Variants in KIAA1217 observed in about 807,000 individuals in gnomAD.
KIAA1217 encodes the protein KIAA1217, also known as sickle tail protein homolog.
Under a neutral mutation model 163.9 loss-of-function variants are expected in KIAA1217, and 88 were observed. That is an observed-to-expected ratio of 0.54 (90% CI 0.45 to 0.64). KIAA1217 has a LOEUF of 0.64. Ranked by LOEUF, KIAA1217 falls within the 30% of genes least tolerant of loss-of-function variation. The pLI is 0.00. For missense variants in KIAA1217, 2,372 were observed against 2,475.0 expected (o/e 0.96, Z 0.88); for synonymous variants, 903 against 923.1 (o/e 0.98, Z 0.39).
chr10:24,509,746 A>G (rs2068843838), intron 9 of KIAA1217, among the ~76,000 whole-genome samples: 1 of 152,238 alleles, frequency 6.6e-6, no homozygotes, highest in South Asian at 2.1e-4. Flanking sequence ...TGTTGTACAT[A>G]TTATATACTA....
chr10:24,239,855 T>C (rs1449972388), intron 2 of KIAA1217, among the ~76,000 whole-genome samples: 1 of 152,146 alleles, frequency 6.6e-6, no homozygotes, highest in African/African-American at 2.4e-5. Flanking sequence ...ATTGCACTTT[T>C]TTAAAAGTAT....
intron 3 of KIAA1217, among the ~76,000 whole-genome samples, chr10:24,420,457 T>A (rs2131531507): frequency 6.6e-6 from 1 of 152,344 alleles, no homozygotes; most frequent in South Asian, 2.1e-4. Context: ...CTTCTCTCTG[T>A]GGTTTGTCTT....
At chr10:24,438,181 A>G (rs1006392662) in intron 4 of KIAA1217, among the ~76,000 whole-genome samples, 1 of 152,174 alleles carries the variant, frequency 6.6e-6, no homozygotes, top group Non-Finnish European at 1.5e-5. Context: ...CAAGAAAAGG[A>G]GAGAAAAGCT....
In KIAA1217 at chr10:23,884,515, C is replaced by T. The variant is rs1186723357; in HGVS notation, c.-320-122710C>T. ...ACATGTCCCTTCTTAGAGCAGCAAT[C>T]GGGCAAGCCACAGCCTTATTTCATG... On this transcript the variant is annotated intron_variant, in intron 1 of 18. Coordinates refer to the KIAA1217 transcript ENST00000376462. Among the ~76,000 whole-genome samples, 7 of 152,042 alleles carry T rather than the reference C, an allele frequency of 4.6e-5. No homozygotes were observed. The East Asian group carries it at 7.8e-4, about 17-fold the overall frequency.
At position 24,533,096 on chromosome 10, in the gene KIAA1217, C is replaced by T. The variant is rs528524930; in HGVS notation, c.3273C>T (p.Ser1091=). 34 of 1,612,582 alleles carry T rather than the reference C, an allele frequency of 2.1e-5. No homozygotes were observed. In the East Asian group the frequency reaches 6.9e-4, roughly 33 times the overall value. Reference sequence around the variant, plus strand: ...CAAGCAGTGAAGATGCTGGACCAAGCCCACAGACCAGAGCTACAAAATATC... The same window carrying T: ...CAAGCAGTGAAGATGCTGGACCAAGTCCACAGACCAGAGCTACAAAATATC... The part of the protein sequence containing the change: ...AKASSEDAGP[S]PQTRATKYPA... The change falls in exon 16 of 21, where the codon AGC becomes AGT. Residue 1091 remains serine, a synonymous_variant. Coordinates refer to ENST00000376454, the MANE Select transcript of KIAA1217 (RefSeq NM_019590.5).
intron 2 of KIAA1217, among the ~76,000 whole-genome samples, chr10:24,058,806 G>A (rs891817647): frequency 6.6e-6 from 1 of 151,888 alleles, no homozygotes; most frequent in African/African-American, 2.4e-5. Context: ...ATTTTCTAAG[G>A]GTGTGTTAGG....
At chr10:23,810,249 C>T (rs1313159835) in intron 1 of KIAA1217, among the ~76,000 whole-genome samples, 1 of 150,456 alleles carries the variant, frequency 6.6e-6, no homozygotes, top group Non-Finnish European at 1.5e-5. Context: ...TACCTACCCT[C>T]TTTCTGACTA....
intron 2 of KIAA1217, among the ~76,000 whole-genome samples, chr10:24,359,644 T>A (rs1386217756): frequency 6.6e-6 from 1 of 152,214 alleles, no homozygotes; most frequent in East Asian, 1.9e-4. Context: ...TTCCAGAAAT[T>A]ATACTTTCAA....
chr10:24,489,592 A>G lies in KIAA1217; in HGVS notation c.1680-4908A>G, dbSNP rs184514211. Among the ~76,000 whole-genome samples the G allele has an allele frequency of 7.0e-4, 107 of 152,094 alleles. 1 individual carries two copies. Among genetic ancestry groups the G allele is most frequent in the African/African-American group, 2.5e-3 (102 of 41,516 alleles). ...AATCAAAAAGTTATATAAGTGGGCC[A>G]GGCATGGTGGCTTATGCCTGTAATT... On this transcript the variant is annotated intron_variant, in intron 6 of 20. Coordinates refer to ENST00000376454, the MANE Select transcript of KIAA1217 (RefSeq NM_019590.5).
intron 2 of KIAA1217, among the ~76,000 whole-genome samples, chr10:24,041,375 C>T (rs947365387): frequency 1.3e-5 from 2 of 152,072 alleles, no homozygotes; most frequent in African/African-American, 4.8e-5. Flanking sequence ...AAAATGTGAC[C>T]CCTTGAACAC....
chr10:23,839,872 T>A (rs1051492663), intron 1 of KIAA1217, among the ~76,000 whole-genome samples: 5 of 152,148 alleles, frequency 3.3e-5, no homozygotes, highest in Admixed American at 1.3e-4. Flanking sequence ...ATCAGATAGT[T>A]TTTATTGAAA....
intron 1 of KIAA1217, among the ~76,000 whole-genome samples, chr10:23,748,538 G>T (rs1193171983): frequency 1.0e-4 from 14 of 133,770 alleles, no homozygotes. Flanking sequence ...AGAGGGGAGG[G>T]GAGGAGAGGA....
chr10:24,328,386 T>C (rs1368255609), intron 2 of KIAA1217, among the ~76,000 whole-genome samples: 1 of 152,076 alleles, frequency 6.6e-6, no homozygotes. Context: ...AGTGATCTGG[T>C]GAGTGTCAGC....
intron 1 of KIAA1217, among the ~76,000 whole-genome samples, chr10:23,853,196 C>A (rs1174193183): frequency 6.6e-6 from 1 of 152,112 alleles, no homozygotes; most frequent in Non-Finnish European, 1.5e-5. Flanking sequence ...CCATCAATAC[C>A]TAATTTTTTG....
intron 1 of KIAA1217, among the ~76,000 whole-genome samples, chr10:23,739,121 C>A (rs1420459527): frequency 6.6e-6 from 1 of 152,150 alleles, no homozygotes; most frequent in Non-Finnish European, 1.5e-5. Context: ...AACTGGAGGT[C>A]ACCATTTTAA....
chr10:24,123,267 GT>G (rs2063351344), intron 2 of KIAA1217, among the ~76,000 whole-genome samples: 2 of 151,650 alleles, frequency 1.3e-5, no homozygotes, highest in African/African-American at 4.8e-5. Flanking sequence ...ATATTCTTTT[GT>G]AACTTTGTTT....
At chr10:24,248,714 A>G (rs2074137719) in intron 2 of KIAA1217, among the ~76,000 whole-genome samples, 1 of 150,854 alleles carries the variant, frequency 6.6e-6, no homozygotes, top group African/African-American at 2.4e-5. Flanking sequence ...TCATACCTAA[A>G]CCTTACCTCT....
At chr10:24,281,453 G>A (rs1056367606) in intron 2 of KIAA1217, among the ~76,000 whole-genome samples, 3 of 152,062 alleles carry the variant, frequency 2.0e-5, no homozygotes, top group South Asian at 2.1e-4. Context: ...CATTAATTAG[G>A]TCAGCATCTT....
Position 24,526,983 on chromosome 10 carries a change from C to T in KIAA1217, c.2899-953C>T, listed in dbSNP as rs145156762. 3.5e-4 allele frequency among the ~76,000 whole-genome samples: 53 copies of T among 152,208 alleles called. No homozygotes were observed. The East Asian group carries it at 9.3e-3, about 27-fold the overall frequency. The stretch of plus-strand genomic sequence containing the variant: ...TGCCAATTCTTAGGTTATAAGGTTC[C>T]ACTAATCTTGGTGTGAATTTCCACT... On this transcript the variant is annotated intron_variant, in intron 13 of 20. Coordinates refer to ENST00000376454, the MANE Select transcript of KIAA1217 (RefSeq NM_019590.5).
Sources: allele counts gnomAD v4.1 joint callset (sites outside exome capture counted in the v4.1 genomes callset), GRCh38; gene constraint gnomAD v4.1.1; transcripts MANE v1.5; gene names NCBI Gene and HGNC (gene_info 2026-07-23, HGNC 2026-07-21).